GRIN2C: variants seen among roughly 807,000 people sequenced by gnomAD.
The protein encoded by GRIN2C is glutamate ionotropic receptor NMDA type subunit 2C.
In GRIN2C, 64 loss-of-function variants were observed where a neutral mutation model predicts 77.7. The ratio of observed to expected loss-of-function variants is 0.82; its 90% confidence interval spans 0.67 to 1.01. GRIN2C has a LOEUF of 1.01. Among genes scored for constraint, GRIN2C ranks in the 50% least tolerant of loss-of-function variants. The probability of loss-of-function intolerance (pLI) is 0.00; values close to 1 mark genes in which losing one functional copy is unlikely to be tolerated. For synonymous variants in GRIN2C, 792 were observed against 643.4 expected, an observed-to-expected ratio of 1.23 and a Z score of -3.49; for missense variants, 1,549 against 1,486.0, an observed-to-expected ratio of 1.04 and a Z score of -0.70.
Position 74,844,631 on chromosome 17 carries a change from C to T in GRIN2C, c.2351-123G>A, listed in dbSNP as rs1180473224. 9 of 1,460,062 alleles carry T rather than the reference C, an allele frequency of 6.2e-6. No individual in the cohort carries two copies. In the African/African-American group the frequency reaches 1.3e-4, roughly 21 times the overall value. The allele number at this position is 1,460,062 out of a possible 1,614,324, so 90.4% of individuals were successfully genotyped here. A position where few individuals can be genotyped will look rare whatever the true frequency, so the allele number is the denominator to read the frequency against. ...GGCAGGGTGCCACCCACTTCTTCCT[C>T]AAGCAGACCACATGGGGATCCAGCC... On this transcript the variant is annotated intron_variant, in intron 11 of 12. Transcript: ENST00000293190.
rs1270865165 is a variant in GRIN2C at position 74,850,365 on chromosome 17, C to T, written c.1332G>A (p.Gly444=). The change falls in exon 6 of 13, where the codon GGG becomes GGA. Residue 444 remains glycine (G), a synonymous_variant. Transcript: ENST00000293190. The surrounding 1 kb of genome is among the most constrained non-coding windows in gnomAD (Gnocchi z 5.3). ...RRQSNHTFSS[G]DVAPYTKLCC... ...AGAGCTTGGTGTAGGGGGCCACGTC[C>T]CCGCTGCTGCAGCCATGCCGCCATG... The T allele has an allele frequency of 7.4e-6, 12 of 1,611,306 alleles. No homozygotes were observed. The highest frequency in any genetic ancestry group is 2.2e-5 in the East Asian group (1 of 44,880).
Position 74,859,247 on chromosome 17 carries a change from G to A in GRIN2C, c.-16+497C>T, listed in dbSNP as rs996132756. On this transcript the variant is annotated intron_variant, in intron 1 of 12. Coordinates refer to ENST00000293190, the MANE Select transcript of GRIN2C (RefSeq NM_000835.6). This position sits in a 1 kb window ranked among gnomAD's most constrained non-coding sequence, Gnocchi z 5.9. ...TGACAAACACAGAGATCCCCAAAGA[G>A]CCCCAGAGAGGATGGCAGTGGTCAG... is the stretch of plus-strand genomic sequence containing the variant. Among the ~76,000 whole-genome samples the A allele has an allele frequency of 6.6e-6, 1 of 152,122 alleles. No individual in the cohort carries two copies. Among genetic ancestry groups the A allele is most frequent in the African/African-American group, 2.4e-5 (1 of 41,438 alleles).
upstream of GRIN2C, chr17:74,861,451 G>C (rs894782478): frequency 2.0e-5 from 3 of 151,966 alleles, no homozygotes; most frequent in African/African-American, 7.2e-5. Flanking sequence ...CGCTGCGCCC[G>C]CGACGAGAGC....
Position 74,854,753 on chromosome 17 carries a change from GGGA to G in GRIN2C, c.337_339del (p.Ser113del), listed in dbSNP as rs2037763450. On this transcript the variant is annotated inframe_deletion, in exon 2 of 13. Transcript: ENST00000293190. The stretch of plus-strand genomic sequence containing the variant: ...ATGCTGAGGATGGGCACATGGGTCT[GGGA>G]GGAGATGAAGTCAAGGATCTGGGCC... 3 of 1,613,360 alleles carry G rather than the reference GGGA, an allele frequency of 1.9e-6. No individual in the cohort carries two copies. Among genetic ancestry groups the G allele is most frequent in the African/African-American group, 2.7e-5 (2 of 74,916 alleles).
Position 74,850,613 on chromosome 17 carries a change from G to A in GRIN2C, c.1268C>T (p.Thr423Ile). Residue 423 changes from threonine (T) to isoleucine (I), a missense_variant, in exon 5 of 13, where the codon ACA becomes ATA. Thr to Ile is a moderately conservative substitution (Grantham distance 89, BLOSUM62 -1). Transcript: ENST00000293190. The surrounding 1 kb of genome is among the most constrained non-coding windows in gnomAD (Gnocchi z 5.3). ...CACGGTGTTGGGGACACAGCCTCCTGTGCCAGGGTCAGGGCTCTCCACGAT... is the reference window on the plus strand; with the variant it reads ...CACGGTGTTGGGGACACAGCCTCCTATGCCAGGGTCAGGGCTCTCCACGAT... The part of the protein sequence containing the change: ...FVIVESPDPG[T>I]GGCVPNTVPC... 3 of 1,613,672 alleles carry A rather than the reference G, an allele frequency of 1.9e-6. No homozygotes were observed. Among genetic ancestry groups the A allele is most frequent in the South Asian group, 1.1e-5 (1 of 91,090 alleles).
Position 74,855,119 on chromosome 17 carries a change from C to A in GRIN2C, c.-15-12G>T, listed in dbSNP as rs1170709813. 1 of 1,539,878 alleles carries A rather than the reference C, an allele frequency of 6.5e-7. No homozygotes were observed. The highest frequency in any genetic ancestry group is 1.2e-5 in the South Asian group (1 of 82,650). ...TCCACCGGAGGGTCCTGCGGAGAGA[C>A]CAGAACAAGCACAGGGAGAGAGACA... On this transcript the variant is annotated splice_polypyrimidine_tract_variant and intron_variant, in intron 1 of 12. Coordinates refer to ENST00000293190, the MANE Select transcript of GRIN2C (RefSeq NM_000835.6).
Position 74,851,630 on chromosome 17 carries a change from C to A in GRIN2C, c.1060G>T (p.Val354Phe). The A allele has an allele frequency of 6.4e-7, 1 of 1,572,726 alleles. No homozygotes were observed. Among genetic ancestry groups the A allele is most frequent in the Non-Finnish European group, 8.6e-7 (1 of 1,157,920 alleles). The change falls in exon 4 of 13, where the codon GTC (valine) becomes TTC (phenylalanine). Residue 354 changes from valine (V) to phenylalanine (F), a missense_variant. Val to Phe is a conservative substitution (Grantham distance 50). This residue lies in a region of GRIN2C where 717 missense variants were observed against 858.1 expected (regional missense o/e 0.84). Transcript: ENST00000293190. ...GCGATCACCACCATGGTGGGCTGGA[C>A]CAGGTACCCACCAGGGCTGAAGGAG... The part of the protein sequence containing the change: ...DFSFSPGGYL[V>F]QPTMVVIALN...
chr17:74,855,014 C>CGCCCTGCCCCGGACCCA lies in GRIN2C; in HGVS notation c.62_78dup (p.Glu27TrpfsTer10), dbSNP rs2037778030. On this transcript the variant is annotated frameshift_variant, in exon 2 of 13. Coordinates refer to ENST00000293190, the MANE Select transcript of GRIN2C (RefSeq NM_000835.6). LOFTEE classifies it high-confidence loss of function. Reference sequence around the variant, plus strand: ...ACCACGGCCACCGTCATGCCCTGCTCGCCCTGCCCCGGACCCAGCCCTGCC... The same window carrying CGCCCTGCCCCGGACCCA: ...ACCACGGCCACCGTCATGCCCTGCTCGCCCTGCCCCGGACCCAGCCCTGCCCCGGACCCAGCCCTGCC... The CGCCCTGCCCCGGACCCA allele has an allele frequency of 6.2e-7, 1 of 1,603,610 alleles. No homozygotes were observed.
At position 74,844,389 on chromosome 17, in the gene GRIN2C, C is replaced by T. The variant is rs761321187; in HGVS notation, c.2470G>A (p.Val824Met). Residue 824 changes from valine (V) to methionine (M), a missense_variant, in exon 12 of 13, where the codon GTG becomes ATG. Val to Met is a conservative substitution (Grantham distance 21). This residue lies in a region of GRIN2C where 717 missense variants were observed against 858.1 expected (regional missense o/e 0.84). Coordinates refer to ENST00000293190, the MANE Select transcript of GRIN2C (RefSeq NM_000835.6). ...ACCAGCAGGGCCAGCCCCATGGCCA[C>T]CAGCAGCATGTAGAAGACGCCTGCC... ...NMAGVFYMLL[V>M]AMGLALLVFA... is the part of the protein sequence containing the mutation. 6.2e-7 allele frequency: 1 copy of T among 1,614,214 alleles called. No individual in the cohort carries two copies. Among genetic ancestry groups the T allele is most frequent in the Non-Finnish European group, 8.5e-7 (1 of 1,180,040 alleles).
chr17:74,855,030 C>T lies in GRIN2C; in HGVS notation c.63G>A (p.Leu21=). Residue 21 remains leucine, a synonymous_variant, in exon 2 of 13, where the codon CTG becomes CTA. Coordinates refer to ENST00000293190, the MANE Select transcript of GRIN2C (RefSeq NM_000835.6). Reference sequence around the variant, plus strand: ...TGCCCTGCTCGCCCTGCCCCGGACCCAGCCCTGCCCAGGCACCGAAGAGCG... The same window carrying T: ...TGCCCTGCTCGCCCTGCCCCGGACCTAGCCCTGCCCAGGCACCGAAGAGCG... ...LTSLFGAWAG[L]GPGQGEQGMT... 5.0e-6 allele frequency: 8 copies of T among 1,600,828 alleles called. No homozygotes were observed. The highest frequency in any genetic ancestry group is 6.8e-6 in the Non-Finnish European group (8 of 1,178,954).
Position 74,850,880 on chromosome 17 carries a change from G to A in GRIN2C, c.1114-113C>T, listed in dbSNP as rs909786333. On this transcript the variant is annotated intron_variant, in intron 4 of 12. Transcript: ENST00000293190. The surrounding 1 kb of genome is among the most constrained non-coding windows in gnomAD (Gnocchi z 5.3). ...TCTCTCACCTAGGGATGCTGGGGCAGGTCAGAGTAGGGCTGCTCCCAACAG... is the reference window on the plus strand; with the variant it reads ...TCTCTCACCTAGGGATGCTGGGGCAAGTCAGAGTAGGGCTGCTCCCAACAG... 2.3e-6 allele frequency: 2 copies of A among 884,192 alleles called. No homozygotes were observed. The highest frequency in any genetic ancestry group is 3.6e-6 in the Non-Finnish European group (2 of 557,086). 54.8% of individuals were successfully genotyped at this position (884,192 alleles called of 1,614,324 possible).
Position 74,843,260 on chromosome 17 carries a change from G to C in GRIN2C, c.2877C>G (p.Gly959=). 1 of 823,402 alleles carries C rather than the reference G, an allele frequency of 1.2e-6. No individual in the cohort carries two copies. Among genetic ancestry groups the C allele is most frequent in the Non-Finnish European group, 1.7e-6 (1 of 585,242 alleles). 51.0% of individuals were successfully genotyped at this position (823,402 alleles called of 1,614,324 possible). ...CGCGACCCCCGTCTGGCGGTCCCCA[G>C]CCCGTGGGGCTCGGCTCTGGGGGCG... is the stretch of plus-strand genomic sequence containing the variant. ...PDPPPEPSPT[G]WGPPDGGRAA... Residue 959 remains glycine (G), a synonymous_variant, in exon 13 of 13, where the codon GGC becomes GGG. Coordinates refer to ENST00000293190, the MANE Select transcript of GRIN2C (RefSeq NM_000835.6).
Position 74,859,459 on chromosome 17 carries a change from C to T in GRIN2C, c.-16+285G>A, listed in dbSNP as rs1489986268. Among the ~76,000 whole-genome samples the T allele has an allele frequency of 6.6e-6, 1 of 152,126 alleles. No homozygotes were observed. The highest frequency in any genetic ancestry group is 1.5e-5 in the Non-Finnish European group (1 of 68,016). On this transcript the variant is annotated intron_variant, in intron 1 of 12. Coordinates refer to ENST00000293190, the MANE Select transcript of GRIN2C (RefSeq NM_000835.6). This position sits in a 1 kb window ranked among gnomAD's most constrained non-coding sequence, Gnocchi z 5.9. Reference sequence around the variant, plus strand: ...GCTCTCCCTCTCCCAGGCTAGGAAACTCTGTCGCAGGAGTCCTCCCCACCC... The same window carrying T: ...GCTCTCCCTCTCCCAGGCTAGGAAATTCTGTCGCAGGAGTCCTCCCCACCC...
chr17:74,851,622 G>C lies in GRIN2C; in HGVS notation c.1068C>G (p.Pro356=). Reference sequence around the variant, plus strand: ...GGTTGAGGGCGATCACCACCATGGTGGGCTGGACCAGGTACCCACCAGGGC... The same window carrying C: ...GGTTGAGGGCGATCACCACCATGGTCGGCTGGACCAGGTACCCACCAGGGC... The part of the protein sequence containing the change: ...SFSPGGYLVQ[P]TMVVIALNRH... The change falls in exon 4 of 13, where the codon CCC becomes CCG. Residue 356 remains proline, a synonymous_variant. Transcript: ENST00000293190. 1.3e-6 allele frequency: 2 copies of C among 1,570,644 alleles called. No individual in the cohort carries two copies. Among genetic ancestry groups the C allele is most frequent in the Non-Finnish European group, 1.7e-6 (2 of 1,156,570 alleles).
rs879317351 is a variant in GRIN2C at position 74,859,791 on chromosome 17, T to G, written c.-63A>C. ...TATTTTTAGGCCGGCGATAAATAAT[T>G]CATAGGGAACGTGGCATCAGGCTCC... On this transcript the variant is annotated 5_prime_UTR_variant, in exon 1 of 13. The change abolishes the stop of an existing upstream ORF in the 5' untranslated region. Coordinates refer to ENST00000293190, the MANE Select transcript of GRIN2C (RefSeq NM_000835.6). This position sits in a 1 kb window ranked among gnomAD's most constrained non-coding sequence, Gnocchi z 5.9. 4 of 152,738 alleles carry G rather than the reference T, an allele frequency of 2.6e-5. No homozygotes were observed. The highest frequency in any genetic ancestry group is 2.6e-4 in the Admixed American group (4 of 15,274). The allele number at this position is 152,738 out of a possible 1,614,324, so 9.5% of individuals were successfully genotyped here. A position where few individuals can be genotyped will look rare whatever the true frequency, so the allele number is the denominator to read the frequency against.
Position 74,850,546 on chromosome 17 carries a change from C to G in GRIN2C, c.1325+10G>C. On this transcript the variant is annotated intron_variant, in intron 5 of 12. Transcript: ENST00000293190. The surrounding 1 kb of genome is among the most constrained non-coding windows in gnomAD (Gnocchi z 5.3). ...CAGCTCACACTAGCCTCCCAGGGCCCTCCACAGACCTGAAGGTGTGGTTGC... is the reference window on the plus strand; with the variant it reads ...CAGCTCACACTAGCCTCCCAGGGCCGTCCACAGACCTGAAGGTGTGGTTGC... 2 of 1,612,944 alleles carry G rather than the reference C, an allele frequency of 1.2e-6. No individual in the cohort carries two copies. The highest frequency in any genetic ancestry group is 1.7e-6 in the Non-Finnish European group (2 of 1,179,394).
In GRIN2C at chr17:74,850,680, G is replaced by A. The variant is rs200324511; in HGVS notation, c.1201C>T (p.Arg401Trp). The A allele has an allele frequency of 2.3e-5, 37 of 1,613,632 alleles. No individual in the cohort carries two copies. The highest frequency in any genetic ancestry group is 1.8e-4 in the East Asian group (8 of 44,884). The part of the protein sequence containing the change: ...SASLQPVVDS[R>W]HLTVATLEER... ...TCCAGCGTGGCCACCGTCAGGTGCC[G>A]ACTGTCCACCACAGGCTGCAGAGAG... The change falls in exon 5 of 13, where the codon CGG becomes TGG. Residue 401 changes from arginine to tryptophan, a missense_variant. Transcript: ENST00000293190. This position sits in a 1 kb window ranked among gnomAD's most constrained non-coding sequence, Gnocchi z 5.3.
chr17:74,848,807 G>A (rs1213408906), intron 7 of GRIN2C, among the ~76,000 whole-genome samples: 1 of 152,136 alleles, frequency 6.6e-6, no homozygotes, highest in African/African-American at 2.4e-5. Context: ...CTTGAGTCCA[G>A]GAGTTTGGAG....
At chr17:74,851,842 G>T in intron 3 of GRIN2C, 151 bp from the exon 4 acceptor site, 1 of 692,022 alleles carries the variant, frequency 1.4e-6, no homozygotes. Flanking sequence ...GCCACACCCT[G>T]ACACCTGCTG....
Sources: gnomAD v4.1 joint callset for allele counts (sites outside exome capture counted in the v4.1 genomes callset) on GRCh38, gnomAD v4.1.1 for gene constraint, gnomAD v4.1.1 regional missense constraint, Gnocchi (gnomAD v3.1) non-coding constraint, MANE v1.5 for transcripts, NCBI Gene and HGNC (gene_info 2026-07-23, HGNC 2026-07-21) for gene names.